Variants in TBX5 observed in about 807,000 individuals in gnomAD.
TBX5 encodes the protein T-box transcription factor TBX5.
In TBX5, 8 loss-of-function variants were observed where a neutral mutation model predicts 51.1. The ratio of observed to expected loss-of-function variants is 0.16; its 90% CI spans 0.09 to 0.28. The LOEUF (loss-of-function observed/expected upper bound fraction) is 0.28, where lower values mean the gene tolerates loss of function less well. Ranked by LOEUF, TBX5 falls within the 10% of genes least tolerant of loss-of-function variation. The pLI is 1.00. For missense variants in TBX5, 589 were observed against 671.7 expected (o/e 0.88, Z 1.36); for synonymous variants, 302 against 266.4 (o/e 1.13, Z -1.30).
Position 114,394,792 on chromosome 12 carries a change from G to C in TBX5, c.612C>G (p.His204Gln). 1.2e-6 allele frequency: 2 copies of C among 1,614,196 alleles called. No individual in the cohort carries two copies. Among genetic ancestry groups the C allele is most frequent in the African/African-American group, 1.3e-5 (1 of 75,052 alleles). Residue 204 changes from histidine (H) to glutamine (Q), a missense_variant, in exon 6 of 9, where the codon CAC becomes CAG. His to Gln is a conservative substitution (Grantham distance 24). Coordinates refer to ENST00000405440, the MANE Select transcript of TBX5 (RefSeq NM_181486.4). ...CTATAAACGCAGTCTCAGGAAAGAC[G>C]TGAGTGCAGAACGCTGTATTTTTTG... Reference protein sequence around the residue: ...FGSKNTAFCTHVFPETAFIAV... With the variant: ...FGSKNTAFCTQVFPETAFIAV...
chr12:114,387,796 C>T (rs900787942), intron 6 of TBX5, among the ~76,000 whole-genome samples: 2 of 152,146 alleles, frequency 1.3e-5, no homozygotes, highest in African/African-American at 2.4e-5. Context: ...GTATGTTCTG[C>T]ACAACTTTGC....
At position 114,394,793 on chromosome 12, in the gene TBX5, T is replaced by G. The variant is rs1871333569; in HGVS notation, c.611A>C (p.His204Pro). Residue 204 changes from histidine (H) to proline (P), a missense_variant, in exon 6 of 9, where the codon CAC becomes CCC. Physicochemically the swap from His to Pro is moderately conservative, Grantham distance 77. Around this residue, in one of 7 missense-constraint regions of TBX5, gnomAD observed 17 missense variants for 17.6 expected, o/e 0.96. Transcript: ENST00000405440. ...TATAAACGCAGTCTCAGGAAAGACG[T>G]GAGTGCAGAACGCTGTATTTTTTGA... is the stretch of plus-strand genomic sequence containing the variant. Reference protein sequence around the residue: ...FGSKNTAFCTHVFPETAFIAV... With the variant: ...FGSKNTAFCTPVFPETAFIAV... 1 of 1,614,106 alleles carries G rather than the reference T, an allele frequency of 6.2e-7. No homozygotes were observed. Among genetic ancestry groups the G allele is most frequent in the Non-Finnish European group, 8.5e-7 (1 of 1,180,048 alleles).
chr12:114,362,088 C>T (rs1869272572), intron 8 of TBX5, among the ~76,000 whole-genome samples: 1 of 152,072 alleles, frequency 6.6e-6, no homozygotes. Context: ...TTGTTATCGC[C>T]AACCAGCCAC....
chr12:114,369,439 A>G (rs1433977671), intron 7 of TBX5, among the ~76,000 whole-genome samples: 2 of 152,228 alleles, frequency 1.3e-5, no homozygotes, highest in Non-Finnish European at 2.9e-5. Context: ...GATCGTGAAC[A>G]TCTCTGTTAA....
At position 114,397,493 on chromosome 12, in the gene TBX5, T is replaced by G. The variant is rs549657986; in HGVS notation, c.510+1080A>C. On this transcript the variant is annotated intron_variant, in intron 5 of 8. Coordinates refer to ENST00000405440, the MANE Select transcript of TBX5 (RefSeq NM_181486.4). ...ATACAGAATCCGTGTTCTGTTCTAG[T>G]AATTAATTATCTTCTACGATGAGAT... Among the ~76,000 whole-genome samples the G allele has an allele frequency of 2.0e-5, 3 of 152,376 alleles. No homozygotes were observed. The East Asian group carries it at 5.8e-4, about 29-fold the overall frequency.
chr12:114,400,666 C>A (rs1871752381), intron 3 of TBX5, among the ~76,000 whole-genome samples: 1 of 152,182 alleles, frequency 6.6e-6, no homozygotes, highest in Non-Finnish European at 1.5e-5. Flanking sequence ...ACTTCGCAGG[C>A]CTTTTATAGT....
At position 114,357,594 on chromosome 12, in the gene TBX5, G is replaced by A. The variant is rs1035418284; in HGVS notation, c.983-1488C>T. Among the ~76,000 whole-genome samples the A allele has an allele frequency of 3.9e-5, 6 of 152,254 alleles. No individual in the cohort carries two copies. In the East Asian group the frequency reaches 7.7e-4, roughly 20 times the overall value. ...GAGCATGTAAAGTCTCCTGATTTCC[G>A]TCAACATGAACAGCTCTTGTTGCAG... On this transcript the variant is annotated intron_variant, in intron 8 of 8. Transcript: ENST00000405440.
intron 6 of TBX5, among the ~76,000 whole-genome samples, chr12:114,390,570 G>A (rs892885031): frequency 2.6e-5 from 4 of 152,146 alleles, no homozygotes; most frequent in African/African-American, 9.7e-5. Flanking sequence ...CCCTCACGAG[G>A]ACCAAAAATC....
At position 114,399,414 on chromosome 12, in the gene TBX5, TAA is replaced by T. The variant is rs55980450; in HGVS notation, c.362+97_362+98del. The T allele has an allele frequency of 0.017, 22,675 of 1,369,318 alleles. 12 individuals are homozygous for T. The highest frequency in any genetic ancestry group is 0.019 in the Non-Finnish European group (18,622 of 993,686). The allele number at this position is 1,369,318 out of a possible 1,614,324, so 84.8% of individuals were successfully genotyped here. On this transcript the variant is annotated intron_variant, in intron 4 of 8. Coordinates refer to ENST00000405440, the MANE Select transcript of TBX5 (RefSeq NM_181486.4). ...GACGCCTTTAGCACACAGTAGGAAC[TAA>T]AAAAAAAAAAAAAGTTCACTGATAC...
At chr12:114,370,231 C>CAGAAAAGAAAAGAAA (rs71447929) in intron 7 of TBX5, among the ~76,000 whole-genome samples, 2,053 of 77,486 alleles carry the variant, frequency 0.026, 51 homozygotes, top group South Asian at 0.052. Flanking sequence ...AACTCTGTCT[C>CAGAAAAGAAAAGAAA]AGAAAAGAAA....
chr12:114,390,695 G>A (rs1871103478), intron 6 of TBX5, among the ~76,000 whole-genome samples: 1 of 152,156 alleles, frequency 6.6e-6, no homozygotes, highest in Admixed American at 6.5e-5. Context: ...GCCTTTTAAT[G>A]GCAAAGTTAA....
intron 4 of TBX5, 152 bp from the exon 5 acceptor site, chr12:114,398,872 C>A: frequency 1.0e-6 from 1 of 989,080 alleles, no homozygotes; most frequent in Non-Finnish European, 1.5e-6. Flanking sequence ...TAGGTATCTG[C>A]AATCCCAGCT....
At position 114,370,060 on chromosome 12, in the gene TBX5, G is replaced by C. The variant is rs568290893; in HGVS notation, c.756-3669C>G. Among the ~76,000 whole-genome samples, 72 of 152,046 alleles carry C rather than the reference G, an allele frequency of 4.7e-4. 1 individual carries two copies. In the South Asian group the frequency reaches 0.014, roughly 30 times the overall value. ...ACTTGAGATCAGGAGTTCAAGACCA[G>C]TCTGGTCAACATGACGAAACCTTGT... On this transcript the variant is annotated intron_variant, in intron 7 of 8. Transcript: ENST00000405440.
intron 7 of TBX5, among the ~76,000 whole-genome samples, chr12:114,383,854 G>A (rs1393051648): frequency 1.3e-5 from 2 of 152,190 alleles, no homozygotes; most frequent in African/African-American, 4.8e-5. Context: ...AGGTGGGAAT[G>A]GGTGATCTCC....
chr12:114,404,021 A>G, intron 1 of TBX5, 85 bp from the exon 2 acceptor site: 1 of 1,448,724 alleles, frequency 6.9e-7, no homozygotes, highest in East Asian at 2.5e-5. Flanking sequence ...TTCTAGTGAC[A>G]GGAGGGAGCA....
chr12:114,355,638 G>T lies in TBX5; in HGVS notation c.1451C>A (p.Pro484His), dbSNP rs768644203. The change falls in exon 9 of 9, where the codon CCC becomes CAC. Residue 484 changes from proline to histidine, a missense_variant. Pro to His is a moderately conservative substitution (Grantham distance 77). Around this residue, in one of 7 missense-constraint regions of TBX5, gnomAD observed 348 missense variants for 360.4 expected, o/e 0.97. Transcript: ENST00000405440. ...TGLQSPGTLQ[P>H]PEFLYSHGVP... ...GCCATGAGAGTAGAGGAACTCAGGG[G>T]GCTGAAGGGTGCCAGGGGACTGCAG... 4 of 1,614,190 alleles carry T rather than the reference G, an allele frequency of 2.5e-6. No homozygotes were observed. The Admixed American group carries it at 6.7e-5, about 27-fold the overall frequency.
chr12:114,401,671 C>T (rs907281015), intron 3 of TBX5, among the ~76,000 whole-genome samples, 155 bp downstream of exon 3: 27 of 151,962 alleles, frequency 1.8e-4, no homozygotes, highest in Admixed American at 5.3e-4. Context: ...ATCTATCTTT[C>T]GCTCTCTCTC....
In TBX5 at chr12:114,398,671, G is replaced by A; in HGVS notation, c.412C>T (p.His138Tyr). The A allele has an allele frequency of 6.2e-7, 1 of 1,612,708 alleles. No individual in the cohort carries two copies. Residue 138 changes from histidine to tyrosine, a missense_variant, in exon 5 of 9, where the codon CAC (histidine) becomes TAC (tyrosine). Around this residue, in one of 7 missense-constraint regions of TBX5, gnomAD observed 85 missense variants for 95.6 expected, o/e 0.89. Coordinates refer to ENST00000405440, the MANE Select transcript of TBX5 (RefSeq NM_181486.4). ...EPAMPGRLYV[H>Y]PDSPATGAHW... ...GCCCCGGTGGCGGGGGAGTCTGGGT[G>A]CACGTACAGGCGGCCAGGCATGGCG...
chr12:114,354,612 A>C lies in TBX5; in HGVS notation c.*920T>G, dbSNP rs1029578483. On this transcript the variant is annotated 3_prime_UTR_variant, in exon 9 of 9. Transcript: ENST00000405440. ...ATTTTTTTAATCAGGAAGAATATTT[A>C]TTTTGGCTTTTTGTCCACAACTCTT... 2 of 152,370 alleles carry C rather than the reference A, an allele frequency of 1.3e-5. No homozygotes were observed. Among genetic ancestry groups the C allele is most frequent in the African/African-American group, 4.8e-5 (2 of 41,344 alleles). 9.4% of individuals were successfully genotyped at this position (152,370 alleles called of 1,614,324 possible). A position where few individuals can be genotyped will look rare whatever the true frequency, so the allele number is the denominator to read the frequency against.
Sources: gnomAD v4.1 joint callset for allele counts (sites outside exome capture counted in the v4.1 genomes callset) on GRCh38, gnomAD v4.1.1 for gene constraint, gnomAD v4.1.1 regional missense constraint, MANE v1.5 for transcripts, NCBI Gene and HGNC (gene_info 2026-07-23, HGNC 2026-07-21) for gene names.